The following TMCO5A variants were observed in gnomAD, a reference collection of about 807,000 sequenced individuals.
The protein encoded by TMCO5A is transmembrane and coiled-coil domain-containing protein 5A.
In TMCO5A, 34 loss-of-function variants were observed where a neutral mutation model predicts 42.3. That is an observed-to-expected ratio of 0.80 (90% CI 0.61 to 1.07). The LOEUF (loss-of-function observed/expected upper bound fraction) is 1.07. Ranked by LOEUF, TMCO5A falls within the 50% of genes least tolerant of loss-of-function variation. The pLI is 0.00. For missense variants in TMCO5A, 357 were observed against 327.9 expected, an observed-to-expected ratio of 1.09 and a Z score of -0.69; for synonymous variants, 131 against 115.6, an observed-to-expected ratio of 1.13 and a Z score of -0.86.
chr15:38,007,050 A>C, the TMCO5A span, among the ~76,000 whole-genome samples: 1 of 152,188 alleles, frequency 6.6e-6, no homozygotes, highest in Admixed American at 6.5e-5. Flanking sequence ...TAATTTTCAT[A>C]TGTCATGAAA....
chr15:38,038,568 G>T, the TMCO5A span, among the ~76,000 whole-genome samples: 2 of 152,012 alleles, frequency 1.3e-5, no homozygotes, highest in Admixed American at 1.3e-4. Flanking sequence ...ACCACGCCCG[G>T]CTAATTTTTT....
chr15:38,030,583 C>T, the TMCO5A span, among the ~76,000 whole-genome samples: 2 of 152,164 alleles, frequency 1.3e-5, no homozygotes, highest in African/African-American at 4.8e-5. Context: ...TTAGTAACTT[C>T]CTCCTGCTCC....
At chr15:37,986,269 G>A in the TMCO5A span, among the ~76,000 whole-genome samples, 2 of 152,048 alleles carry the variant, frequency 1.3e-5, no homozygotes, top group South Asian at 2.1e-4. Context: ...CTCAGCTTCT[G>A]CTTAGAAGCC....
At chr15:37,957,899 A>T (rs1890330460) in intron 11 of TMCO5A, among the ~76,000 whole-genome samples, 1 of 152,170 alleles carries the variant, frequency 6.6e-6, no homozygotes, top group Admixed American at 6.5e-5. Context: ...AGATATATAG[A>T]CTAATGGAAC....
At chr15:37,993,364 C>T in the TMCO5A span, 1 of 133,822 alleles carries the variant, frequency 7.5e-6, no homozygotes, top group Non-Finnish European at 1.5e-5. Context: ...CCAGGGTTTG[C>T]TAATTTGGGT....
chr15:37,943,726 C>G lies in TMCO5A; in HGVS notation c.627+328C>G, dbSNP rs189069888. ...GGCCAATATAGGGCACATACACCAC[C>G]TCTTCCATCTCCTACAATCACAGTA... On this transcript the variant is annotated intron_variant, in intron 10 of 11. Transcript: ENST00000319669. 1.4e-3 allele frequency: 316 copies of G among 226,768 alleles called. 2 individuals are homozygous for G. Among genetic ancestry groups the G allele is most frequent in the African/African-American group, 6.6e-3 (288 of 43,948 alleles). 14.0% of individuals were successfully genotyped at this position (226,768 alleles called of 1,614,324 possible). A position where few individuals can be genotyped will look rare whatever the true frequency, so the allele number is the denominator to read the frequency against.
the TMCO5A span, among the ~76,000 whole-genome samples, chr15:38,025,171 G>A: frequency 5.5e-5 from 2 of 36,680 alleles, no homozygotes; most frequent in African/African-American, 6.8e-5. Flanking sequence ...GGGTGTGTGT[G>A]TGTGTGTGTG....
chr15:37,978,355 C>T, the TMCO5A span, among the ~76,000 whole-genome samples: 1 of 152,180 alleles, frequency 6.6e-6, no homozygotes, highest in South Asian at 2.1e-4. Context: ...TTGTCAGTTG[C>T]CACTCAGAGC....
intron 10 of TMCO5A, among the ~76,000 whole-genome samples, chr15:37,947,113 T>A (rs1186668575): frequency 6.6e-6 from 1 of 152,168 alleles, no homozygotes; most frequent in African/African-American, 2.4e-5. Context: ...GAGATAATCA[T>A]GGGTTTTTGT....
chr15:38,019,614 C>T, the TMCO5A span, among the ~76,000 whole-genome samples: 1 of 151,950 alleles, frequency 6.6e-6, no homozygotes, highest in East Asian at 1.9e-4. Context: ...CTAGAGTTCA[C>T]TATTTTCTTA....
the TMCO5A span, among the ~76,000 whole-genome samples, chr15:38,014,329 C>T: frequency 6.6e-6 from 1 of 152,214 alleles, no homozygotes; most frequent in East Asian, 1.9e-4. Flanking sequence ...CAAAACCTCC[C>T]TGCTCTGACC....
chr15:37,949,486 G>C (rs1414284453), intron 11 of TMCO5A, among the ~76,000 whole-genome samples: 1 of 152,028 alleles, frequency 6.6e-6, no homozygotes, highest in Non-Finnish European at 1.5e-5. Flanking sequence ...GTGTGGTATT[G>C]GGACTGGAAT....
At chr15:37,942,093 G>C in intron 8 of TMCO5A, 98 bp from the exon 9 acceptor site, 2 of 1,118,132 alleles carry the variant, frequency 1.8e-6, no homozygotes, top group Non-Finnish European at 1.3e-6. Flanking sequence ...GGAATACCAA[G>C]CATTCATGGT....
At chr15:37,955,191 C>T (rs1378817329), downstream of TMCO5A, among the ~76,000 whole-genome samples, 1 of 149,416 alleles carries the variant, frequency 6.7e-6, no homozygotes, top group Non-Finnish European at 1.5e-5. Flanking sequence ...GATCTGTTGC[C>T]TAAAAGAAAC....
rs1174432192 is a variant in TMCO5A at position 37,938,156 on chromosome 15, A to G, written c.316-2A>G. 3 of 1,570,588 alleles carry G rather than the reference A, an allele frequency of 1.9e-6. No homozygotes were observed. The highest frequency in any genetic ancestry group is 2.6e-6 in the Non-Finnish European group (3 of 1,156,132). On this transcript the variant is annotated splice_acceptor_variant, in intron 5 of 11. Coordinates refer to ENST00000319669, the MANE Select transcript of TMCO5A (RefSeq NM_152453.4). LOFTEE classifies it high-confidence loss of function. ...TAGTATATTTTTTATTTGAAACTAT[A>G]GCTTACAAGGAAATCACAAAAGATA... is the stretch of plus-strand genomic sequence containing the variant.
intron 11 of TMCO5A, among the ~76,000 whole-genome samples, chr15:37,963,022 TTTG>T (rs1041784766): frequency 3.9e-5 from 6 of 152,100 alleles, no homozygotes; most frequent in East Asian, 1.9e-4. Context: ...TTGTATTTCT[TTTG>T]TTGTTGTTGT....
At chr15:38,026,893 G>C in the TMCO5A span, among the ~76,000 whole-genome samples, 1 of 152,216 alleles carries the variant, frequency 6.6e-6, no homozygotes, top group Non-Finnish European at 1.5e-5. Context: ...ACGTGGTGTT[G>C]AGCCTACAGG....
chr15:37,944,616 A>G (rs1427055204), intron 10 of TMCO5A, among the ~76,000 whole-genome samples: 3 of 151,982 alleles, frequency 2.0e-5, no homozygotes, highest in Admixed American at 6.6e-5. Flanking sequence ...TTTTTTTAGT[A>G]GAAAGATGAA....
At chr15:38,027,667 C>CTG in the TMCO5A span, among the ~76,000 whole-genome samples, 2 of 152,086 alleles carry the variant, frequency 1.3e-5, no homozygotes, top group South Asian at 4.2e-4. Flanking sequence ...TGGTTTGGCT[C>CTG]TGTCTCCCCA....
Sources: allele counts gnomAD v4.1 joint callset (sites outside exome capture counted in the v4.1 genomes callset), GRCh38; gene constraint gnomAD v4.1.1; transcripts MANE v1.5; gene names NCBI Gene and HGNC (gene_info 2026-07-23, HGNC 2026-07-21).